The following DDX1 variants were observed in gnomAD, a reference collection of about 807,000 sequenced individuals.
The protein encoded by DDX1 is ATP-dependent RNA helicase DDX1.
DDX1 carries 28 observed loss-of-function variants against 108.7 expected under a neutral mutation model. The observed-to-expected ratio is 0.26, with a 90% confidence interval of 0.19 to 0.35. DDX1 has a LOEUF of 0.35. Ranked by LOEUF, DDX1 falls within the 10% of genes least tolerant of loss-of-function variation. The pLI, the probability that DDX1 is intolerant of heterozygous loss-of-function variation, is 1.00. For missense variants in DDX1, 710 were observed against 884.5 expected (o/e 0.80, Z 2.50); for synonymous variants, 295 against 288.9 (o/e 1.02, Z -0.21).
chr2:15,611,026 C>T (rs1194229529), intron 13 of DDX1, among the ~76,000 whole-genome samples: 4 of 150,322 alleles, frequency 2.7e-5, no homozygotes, highest in Non-Finnish European at 1.5e-5. Context: ...GCAGAGGACC[C>T]TGCGGCCTTC....
chr2:15,624,003 A>T (rs959160346), intron 19 of DDX1, among the ~76,000 whole-genome samples: 2 of 152,200 alleles, frequency 1.3e-5, no homozygotes, highest in Non-Finnish European at 2.9e-5. Flanking sequence ...GTTAGAAATT[A>T]TAGAATAAGA....
chr2:15,624,874 T>G (rs1301731263), intron 19 of DDX1, among the ~76,000 whole-genome samples: 1 of 152,166 alleles, frequency 6.6e-6, no homozygotes, highest in Non-Finnish European at 1.5e-5. Context: ...TATAAAATGG[T>G]ATGAGCACTT....
At chr2:15,601,879 C>T (rs1258367223) in intron 6 of DDX1, among the ~76,000 whole-genome samples, 1 of 152,148 alleles carries the variant, frequency 6.6e-6, no homozygotes, top group Non-Finnish European at 1.5e-5. Flanking sequence ...AAAGCTGAAT[C>T]TTTACTTAAA....
At position 15,595,538 on chromosome 2, in the gene DDX1, A is replaced by T; in HGVS notation, c.117A>T (p.Gly39=). 6.2e-7 allele frequency: 1 copy of T among 1,608,950 alleles called. No individual in the cohort carries two copies. Among genetic ancestry groups the T allele is most frequent in the Non-Finnish European group, 8.5e-7 (1 of 1,175,372 alleles). ...QAESIPLILG[G]GDVLMAAETG... ...AATCTATCCCATTGATCTTAGGAGG[A>T]GGTGATGTACTTATGGTAAGTTTAA... is the stretch of plus-strand genomic sequence containing the variant. Residue 39 remains glycine (G), a synonymous_variant, in exon 3 of 26, where the codon GGA becomes GGT. Coordinates refer to ENST00000233084, the MANE Select transcript of DDX1 (RefSeq NM_004939.3).
rs568577067 is a variant in DDX1 at position 15,606,244 on chromosome 2, T to A, written c.797T>A (p.Ile266Asn). The A allele has an allele frequency of 6.2e-7, 1 of 1,613,566 alleles. No individual in the cohort carries two copies. Among genetic ancestry groups the A allele is most frequent in the Admixed American group, 1.7e-5 (1 of 60,010 alleles). The change falls in exon 12 of 26, where the codon ATT (isoleucine) becomes AAT (asparagine). Residue 266 changes from isoleucine to asparagine, a missense_variant. Around this residue, in one of 3 missense-constraint regions of DDX1, gnomAD observed 661 missense variants for 810.2 expected, o/e 0.82. Coordinates refer to ENST00000233084, the MANE Select transcript of DDX1 (RefSeq NM_004939.3). Reference sequence around the variant, plus strand: ...CTTTCCAAGGCACCGGATGGTTACATTGTCAAATCACAGCACTCAGGTATT... The same window carrying A: ...CTTTCCAAGGCACCGGATGGTTACAATGTCAAATCACAGCACTCAGGTATT... ...VALSKAPDGY[I>N]VKSQHSGNAQ... is the part of the protein sequence containing the mutation.
At chr2:15,630,150 AT>A in intron 25 of DDX1, 40 bp downstream of exon 25, 2 of 1,605,628 alleles carry the variant, frequency 1.2e-6, no homozygotes, top group Non-Finnish European at 1.7e-6. Flanking sequence ...TTAAATGTAA[AT>A]ATACCTGTTT....
At chr2:15,611,539 C>T (rs1426970237) in intron 13 of DDX1, among the ~76,000 whole-genome samples, 12 of 138,184 alleles carry the variant, frequency 8.7e-5, no homozygotes, top group South Asian at 2.4e-4. Flanking sequence ...CCCTCCCGGA[C>T]GGGGCGGCTG....
At chr2:15,612,625 A>C (rs1397635784) in intron 13 of DDX1, among the ~76,000 whole-genome samples, 5 of 151,932 alleles carry the variant, frequency 3.3e-5, no homozygotes, top group African/African-American at 4.8e-5. Flanking sequence ...CAGAGGCTGC[A>C]ATCTCGGCAC....
At chr2:15,593,682 A>G (rs1665454839) in intron 1 of DDX1, among the ~76,000 whole-genome samples, 1 of 152,318 alleles carries the variant, frequency 6.6e-6, no homozygotes, top group East Asian at 1.9e-4. Context: ...GAGAGAGAAC[A>G]TAGACTGTAA....
At chr2:15,617,377 T>G in intron 15 of DDX1, 35 bp downstream of exon 15, 1 of 1,313,354 alleles carries the variant, frequency 7.6e-7, no homozygotes, top group Admixed American at 1.9e-5. Flanking sequence ...TTTAAAAAGT[T>G]TACTTATATT....
At chr2:15,611,603 GGC>G (rs1665762021) in intron 13 of DDX1, among the ~76,000 whole-genome samples, 1 of 122,640 alleles carries the variant, frequency 8.2e-6, no homozygotes, top group African/African-American at 3.9e-5. Context: ...CGGCTGGCCG[GGC>G]AGAGGGGCTC....
chr2:15,612,691 C>T (rs911784561), intron 13 of DDX1, among the ~76,000 whole-genome samples: 4 of 152,090 alleles, frequency 2.6e-5, no homozygotes, highest in East Asian at 1.9e-4. Context: ...GCCGAGATCA[C>T]GCCACTGCAC....
chr2:15,630,233 T>C, intron 25 of DDX1, 123 bp downstream of exon 25: 1 of 937,660 alleles, frequency 1.1e-6, no homozygotes, highest in South Asian at 1.5e-5. Flanking sequence ...TGTTAATCAT[T>C]CCCTCCTTAT....
Position 15,631,053 on chromosome 2 carries a change from G to A in DDX1, c.*147G>A, listed in dbSNP as rs1466194997. 12 of 651,210 alleles carry A rather than the reference G, an allele frequency of 1.8e-5. No homozygotes were observed. The South Asian group carries it at 4.5e-4, about 25-fold the overall frequency. 40.3% of individuals were successfully genotyped at this position (651,210 alleles called of 1,614,324 possible). A position where few individuals can be genotyped will look rare whatever the true frequency, so the allele number is the denominator to read the frequency against. ...GCATGTCAAGAAACATTAGTCTTAG[G>A]AATTCTTCAAAAAATGGCATCCCAA... On this transcript the variant is annotated 3_prime_UTR_variant, in exon 26 of 26. Transcript: ENST00000233084.
intron 13 of DDX1, among the ~76,000 whole-genome samples, chr2:15,611,888 G>A (rs1426863472): frequency 2.3e-5 from 2 of 87,334 alleles, no homozygotes; most frequent in African/African-American, 6.7e-5. Context: ...CTCACCTCCC[G>A]GACGGGGCGG....
At chr2:15,599,817 G>A (rs957584765) in intron 6 of DDX1, 101 bp downstream of exon 6, 1 of 851,358 alleles carries the variant, frequency 1.2e-6, no homozygotes, top group Non-Finnish European at 1.9e-6. Flanking sequence ...TAATTTACCA[G>A]ATATTAGAAT....
chr2:15,629,757 A>C, intron 24 of DDX1, 60 bp downstream of exon 24: 1 of 1,302,786 alleles, frequency 7.7e-7, no homozygotes, highest in Non-Finnish European at 1.1e-6. Flanking sequence ...GAAAGCATTT[A>C]TCTTCAAAAA....
chr2:15,592,370 G>T (rs929148532), intron 1 of DDX1, among the ~76,000 whole-genome samples: 1 of 152,340 alleles, frequency 6.6e-6, no homozygotes, highest in East Asian at 1.9e-4. Context: ...GCGAGACGGC[G>T]TGGGGAGGAG....
At position 15,608,685 on chromosome 2, in the gene DDX1, T is replaced by TTTA. The variant is rs869267698; in HGVS notation, c.956+1372_956+1373insTTA. On this transcript the variant is annotated intron_variant, in intron 13 of 25. Transcript: ENST00000233084. ...TAGGTTTTTTTTTTTTTTTTTTTTTTATGAAGTCTCGCTATGTTGCCCAGG... is the reference window on the plus strand; with the variant it reads ...TAGGTTTTTTTTTTTTTTTTTTTTTTTTAATGAAGTCTCGCTATGTTGCCCAGG... Among the ~76,000 whole-genome samples the TTTA allele has an allele frequency of 2.8e-3, 419 of 147,610 alleles. 1 individual carries two copies. The highest frequency in any genetic ancestry group is 9.9e-3 in the African/African-American group (387 of 39,182).
Sources: gnomAD v4.1 joint callset for allele counts (sites outside exome capture counted in the v4.1 genomes callset) on GRCh38, gnomAD v4.1.1 for gene constraint, gnomAD v4.1.1 regional missense constraint, MANE v1.5 for transcripts, NCBI Gene and HGNC (gene_info 2026-07-23, HGNC 2026-07-21) for gene names.